The following KCNMB2 variants were observed in gnomAD, a reference collection of about 807,000 sequenced individuals.
KCNMB2 encodes potassium calcium-activated channel subfamily M regulatory beta subunit 2, also known as calcium-activated potassium channel subunit beta-2.
Under a neutral mutation model 24.5 loss-of-function variants are expected in KCNMB2, and 9 were observed. The observed-to-expected ratio is 0.37, with a 90% CI of 0.22 to 0.64. The LOEUF (loss-of-function observed/expected upper bound fraction) is 0.64, where lower values mean the gene tolerates loss of function less well. Among genes scored for constraint, KCNMB2 ranks in the 30% least tolerant of loss-of-function variants. The probability of loss-of-function intolerance (pLI) is 0.63; values close to 1 mark genes in which losing one functional copy is unlikely to be tolerated. For missense variants in KCNMB2, 226 were observed against 284.3 expected (o/e 0.79, Z 1.47); for synonymous variants, 109 against 104.4 (o/e 1.04, Z -0.27).
chr3:178,787,249 T>C (rs1713143604), intron 1 of KCNMB2, among the ~76,000 whole-genome samples: 1 of 152,070 alleles, frequency 6.6e-6, no homozygotes, highest in Admixed American at 6.5e-5. Context: ...TAATAGCATA[T>C]ACTTAATGCT....
At chr3:178,614,457 G>C (rs1337144267) in intron 1 of KCNMB2, among the ~76,000 whole-genome samples, 1 of 150,228 alleles carries the variant, frequency 6.7e-6, no homozygotes, top group African/African-American at 2.4e-5. Context: ...AAGAGAATAG[G>C]ACTTGTGCAG....
intron 1 of KCNMB2, among the ~76,000 whole-genome samples, chr3:178,650,669 T>C (rs1440621380): frequency 6.6e-6 from 1 of 152,162 alleles, no homozygotes; most frequent in African/African-American, 2.4e-5. Context: ...AATAAAATAC[T>C]GGCAAACCGA....
At chr3:178,701,586 C>A (rs1186663304) in intron 1 of KCNMB2, among the ~76,000 whole-genome samples, 1 of 151,768 alleles carries the variant, frequency 6.6e-6, no homozygotes, top group Non-Finnish European at 1.5e-5. Flanking sequence ...AAACAAACAA[C>A]CCCATCAAAA....
chr3:178,818,279 T>C (rs186660585), intron 2 of KCNMB2, among the ~76,000 whole-genome samples: 41 of 152,298 alleles, frequency 2.7e-4, no homozygotes, highest in African/African-American at 7.9e-4. Flanking sequence ...TGTTTGTTTG[T>C]TCTTAAGTTC....
intron 1 of KCNMB2, among the ~76,000 whole-genome samples, chr3:178,619,662 C>T (rs1367024781): frequency 5.3e-5 from 8 of 152,014 alleles, no homozygotes; most frequent in Non-Finnish European, 1.2e-4. Context: ...AAATAAGGAC[C>T]ACAGAAAGTA....
At chr3:178,773,877 G>C (rs1712475294) in intron 1 of KCNMB2, among the ~76,000 whole-genome samples, 1 of 152,156 alleles carries the variant, frequency 6.6e-6, no homozygotes, top group African/African-American at 2.4e-5. Flanking sequence ...AGAGTTTTCT[G>C]CTTCAGTTAC....
At chr3:178,655,095 CCTCTCTCTCTCTCTCTCTCTCTCT>C (rs67468527) in intron 1 of KCNMB2, among the ~76,000 whole-genome samples, 5 of 111,084 alleles carry the variant, frequency 4.5e-5, no homozygotes, top group Admixed American at 1.0e-4. Flanking sequence ...ATTAGCTCTC[CCTCTCTCTCTCTCTCTCTCTCTCT>C]CTCTCTCTCT....
At chr3:178,673,748 C>T (rs1444651478) in intron 1 of KCNMB2, among the ~76,000 whole-genome samples, 1 of 152,192 alleles carries the variant, frequency 6.6e-6, no homozygotes, top group East Asian at 1.9e-4. Context: ...GATTTCACTT[C>T]CCTAGAGGAA....
At chr3:178,786,817 A>C (rs2108436801) in intron 1 of KCNMB2, among the ~76,000 whole-genome samples, 1 of 152,152 alleles carries the variant, frequency 6.6e-6, no homozygotes, top group East Asian at 1.9e-4. Context: ...AAAAAATAAA[A>C]AAACCTACTT....
intron 1 of KCNMB2, among the ~76,000 whole-genome samples, chr3:178,711,704 A>T (rs1218843320): frequency 6.6e-6 from 1 of 152,176 alleles, no homozygotes; most frequent in African/African-American, 2.4e-5. Context: ...TTCCACCATC[A>T]TCTCTGGCCA....
intron 4 of KCNMB2, among the ~76,000 whole-genome samples, chr3:178,830,749 G>A (rs758940836): frequency 1.1e-4 from 17 of 151,930 alleles, no homozygotes; most frequent in South Asian, 4.2e-4. Flanking sequence ...GGCAGTGTCC[G>A]TGCAAGTTGT....
In KCNMB2 at chr3:178,758,042, CTAGATATATAT is replaced by C; in HGVS notation, c.-67-49300_-67-49290del. Among the ~76,000 whole-genome samples, 4 of 2,660 alleles carry C rather than the reference CTAGATATATAT, an allele frequency of 1.5e-3. 1 individual carries two copies. The South Asian group carries it at 0.12, about 78-fold the overall frequency. The allele number at this position is 2,660 out of a possible 152,430, so 1.7% of individuals were successfully genotyped here. A position where few individuals can be genotyped will look rare whatever the true frequency, so the allele number is the denominator to read the frequency against. On this transcript the variant is annotated intron_variant, in intron 1 of 4. Coordinates refer to ENST00000452583, the MANE Select transcript of KCNMB2 (RefSeq NM_181361.3). ...ATATCTAGAGGATATATATATATAT[CTAGATATATAT>C]ATATATCTCCAAGAGGATATATATA... is the stretch of plus-strand genomic sequence containing the variant.
At chr3:178,734,882 C>A (rs1390671139) in intron 1 of KCNMB2, among the ~76,000 whole-genome samples, 1 of 152,228 alleles carries the variant, frequency 6.6e-6, no homozygotes, top group Non-Finnish European at 1.5e-5. Flanking sequence ...CACTAACGTT[C>A]ATATTCAAGT....
intron 1 of KCNMB2, among the ~76,000 whole-genome samples, chr3:178,551,886 C>T (rs1237658724): frequency 1.3e-5 from 2 of 152,178 alleles, no homozygotes; most frequent in Non-Finnish European, 2.9e-5. Context: ...CTTCAGATAT[C>T]CCATTTGACA....
intron 1 of KCNMB2, among the ~76,000 whole-genome samples, chr3:178,558,042 T>C (rs1186424256): frequency 5.3e-5 from 8 of 152,206 alleles, no homozygotes; most frequent in African/African-American, 1.9e-4. Context: ...ATCTGTAAAT[T>C]GGTTTTAGCT....
intron 1 of KCNMB2, among the ~76,000 whole-genome samples, chr3:178,791,501 G>A (rs1713322474): frequency 1.3e-5 from 2 of 152,092 alleles, no homozygotes; most frequent in African/African-American, 2.4e-5. Flanking sequence ...AGCCCCAAAA[G>A]GGCAAATCTA....
intron 2 of KCNMB2, chr3:178,824,724 T>G (rs1714770472): frequency 6.6e-6 from 1 of 152,220 alleles, no homozygotes; most frequent in East Asian, 1.9e-4. Flanking sequence ...TCATGTCACT[T>G]AGCCATTAAA....
intron 1 of KCNMB2, among the ~76,000 whole-genome samples, chr3:178,661,779 C>CTCTG (rs1720538426): frequency 6.6e-6 from 1 of 152,162 alleles, no homozygotes; most frequent in South Asian, 2.1e-4. Flanking sequence ...TAACAAGATT[C>CTCTG]TCCAGAAGAG....
intron 1 of KCNMB2, among the ~76,000 whole-genome samples, chr3:178,646,412 C>T (rs1023307883): frequency 3.3e-5 from 5 of 152,034 alleles, no homozygotes; most frequent in Non-Finnish European, 5.9e-5. Context: ...TCATTTTGGC[C>T]CAAACTTAGT....
Sources: gnomAD v4.1 joint callset for allele counts (sites outside exome capture counted in the v4.1 genomes callset) on GRCh38, gnomAD v4.1.1 for gene constraint, MANE v1.5 for transcripts, NCBI Gene and HGNC (gene_info 2026-07-23, HGNC 2026-07-21) for gene names.